The following CPNE1 variants were observed in gnomAD, a reference collection of about 807,000 sequenced individuals.
CPNE1 encodes the protein copine-1.
CPNE1 carries 58 observed loss-of-function variants against 63.2 expected under a neutral mutation model. The observed-to-expected ratio is 0.92, with a 90% CI of 0.74 to 1.14. CPNE1 has a LOEUF of 1.14. CPNE1 is among the 50% of genes most tolerant of loss of function. The pLI is 0.00. For synonymous variants in CPNE1, 237 were observed against 249.0 expected, an observed-to-expected ratio of 0.95 and a Z score of 0.45; for missense variants, 672 against 661.7, an observed-to-expected ratio of 1.02 and a Z score of -0.17.
chr20:35,655,355 GA>G, intron 1 of CPNE1: 1 of 1,576,990 alleles, frequency 6.3e-7, no homozygotes, highest in Non-Finnish European at 8.6e-7. Context: ...CTGCAGATGA[GA>G]AAAGGCAACG....
At position 35,632,035 on chromosome 20, in the gene CPNE1, C is replaced by G. The variant is rs767857434; in HGVS notation, c.457-10G>C. The G allele has an allele frequency of 8.1e-6, 13 of 1,613,726 alleles. No homozygotes were observed. Among genetic ancestry groups the G allele is most frequent in the Admixed American group, 3.3e-5 (2 of 60,004 alleles). On this transcript the variant is annotated splice_polypyrimidine_tract_variant and intron_variant, in intron 5 of 15. Coordinates refer to ENST00000397443, the MANE Select transcript of CPNE1 (RefSeq NM_152925.3). ...ATTTTCCCAGGAAGTCCTGCCAATG[C>G]GAGACCCCAGTTACAAGACTCAGGA...
intron 13 of CPNE1, among the ~76,000 whole-genome samples, chr20:35,627,972 C>A (rs894776285): frequency 6.8e-6 from 1 of 146,222 alleles, no homozygotes; most frequent in Non-Finnish European, 1.5e-5. Context: ...TAGTGAGACC[C>A]CCGTCACTTA....
At chr20:35,647,637 C>T (rs1334856630) in intron 1 of CPNE1, among the ~76,000 whole-genome samples, 2 of 151,924 alleles carry the variant, frequency 1.3e-5, no homozygotes, top group African/African-American at 4.8e-5. Flanking sequence ...AGCAAGCCAC[C>T]GTGGCTACTC....
rs566897153 is a variant in CPNE1 at position 35,641,092 on chromosome 20, T to G, written c.1-8169A>C. Among the ~76,000 whole-genome samples, 5 of 152,362 alleles carry G rather than the reference T, an allele frequency of 3.3e-5. No individual in the cohort carries two copies. The South Asian group carries it at 8.3e-4, about 25-fold the overall frequency. ...CCTCAATGTGCCCTAGCAGGGCACA[T>G]TCTCTCAGTGTCCCTTAAGAAAGGC... is the stretch of plus-strand genomic sequence containing the variant. On this transcript the variant is annotated intron_variant, in intron 1 of 15. Transcript: ENST00000397443.
At chr20:35,642,882 T>C (rs887111708) in intron 1 of CPNE1, among the ~76,000 whole-genome samples, 4 of 152,110 alleles carry the variant, frequency 2.6e-5, no homozygotes, top group Non-Finnish European at 5.9e-5. Flanking sequence ...GCTTAACATG[T>C]GCACACAAAA....
Position 35,632,320 on chromosome 20 carries a change from C to A in CPNE1, c.375G>T (p.Gly125=), listed in dbSNP as rs2032206961. The A allele has an allele frequency of 6.2e-7, 1 of 1,613,882 alleles. No homozygotes were observed. ...MLKPGKPAGR[G]TITVSAQELK... ...TTGCTGGGTTCCTTACCGTGATGGT[C>A]CCCCGCCCAGCAGGTTTTCCAGGCT... Residue 125 remains glycine, a synonymous_variant, in exon 4 of 16, where the codon GGG becomes GGT. Transcript: ENST00000397443.
At chr20:35,641,086 G>C (rs753121351) in intron 1 of CPNE1, among the ~76,000 whole-genome samples, 14 of 152,122 alleles carry the variant, frequency 9.2e-5, no homozygotes, top group African/African-American at 1.2e-4. Flanking sequence ...GCCCTAGCAG[G>C]GCACATTCTC....
chr20:35,654,403 C>A (rs565214968), intron 1 of CPNE1: 4 of 1,614,216 alleles, frequency 2.5e-6, no homozygotes, highest in Non-Finnish European at 3.4e-6. Flanking sequence ...TCCATGCACA[C>A]TGACATACAG....
Position 35,626,328 on chromosome 20 carries a change from C to A in CPNE1, c.1527G>T (p.Leu509=), listed in dbSNP as rs140090014. 3.7e-4 allele frequency: 593 copies of A among 1,614,072 alleles called. 4 individuals are homozygous for A. In the South Asian group the frequency reaches 5.1e-3, roughly 14 times the overall value. ...QTVLAEVPTQ[L]VSYFRAQGWA... ...AACCCTGGGCCCTGAAGTATGAGAC[C>A]AGTTGTGTGGGCACTTCTGCGAGCA... is the stretch of plus-strand genomic sequence containing the variant. The change falls in exon 16 of 16, where the codon CTG becomes CTT. Residue 509 remains leucine, a synonymous_variant. Coordinates refer to ENST00000397443, the MANE Select transcript of CPNE1 (RefSeq NM_152925.3).
At chr20:35,658,971 G>A in intron 1 of CPNE1, 2 of 717,004 alleles carry the variant, frequency 2.8e-6, no homozygotes, top group South Asian at 3.0e-5. Flanking sequence ...AGAAGTAGAG[G>A]CCAAGTCAAT....
At chr20:35,655,293 G>A in intron 1 of CPNE1, 2 of 1,611,458 alleles carry the variant, frequency 1.2e-6, no homozygotes, top group Non-Finnish European at 1.7e-6. Context: ...CCACAATTGG[G>A]AGACCTTGCA....
In CPNE1 at chr20:35,631,669, T is replaced by C. The variant is rs201329365; in HGVS notation, c.627+19A>G. 413 of 1,613,394 alleles carry C rather than the reference T, an allele frequency of 2.6e-4. 3 individuals are homozygous for C. The Middle Eastern group carries it at 2.6e-3, about 10-fold the overall frequency. ...GTTCTCTTCTCCAGCGCAGTCCACT[T>C]AGGGGGCAAGCTCCTCACCTGGATG... is the stretch of plus-strand genomic sequence containing the variant. On this transcript the variant is annotated intron_variant, in intron 7 of 15. Coordinates refer to ENST00000397443, the MANE Select transcript of CPNE1 (RefSeq NM_152925.3).
intron 1 of CPNE1, among the ~76,000 whole-genome samples, chr20:35,657,262 C>T (rs985680313): frequency 1.3e-5 from 2 of 152,224 alleles, no homozygotes; most frequent in Non-Finnish European, 2.9e-5. Context: ...CCAACAGTCT[C>T]TTTTCTCATT....
intron 14 of CPNE1, among the ~76,000 whole-genome samples, chr20:35,627,039 T>G (rs924585068): frequency 1.3e-5 from 2 of 151,520 alleles, no homozygotes; most frequent in African/African-American, 4.9e-5. Context: ...AATATAAAAA[T>G]TAGCTGGGCA....
rs140906321 is a variant in CPNE1 at position 35,641,901 on chromosome 20, C to T, written c.1-8978G>A. Among the ~76,000 whole-genome samples, 30 of 152,314 alleles carry T rather than the reference C, an allele frequency of 2.0e-4. No individual in the cohort carries two copies. In the East Asian group the frequency reaches 5.4e-3, roughly 27 times the overall value. ...AGGCAAGTCTGCAGCAGTGTGCTGG[C>T]GCAAGCTTGTATGGCTTGCAAGAGC... On this transcript the variant is annotated intron_variant, in intron 1 of 15. Transcript: ENST00000397443.
chr20:35,664,885 C>T lies in CPNE1; in HGVS notation c.-126G>A, dbSNP rs959281243. 2 of 152,354 alleles carry T rather than the reference C, an allele frequency of 1.3e-5. No individual in the cohort carries two copies. Among genetic ancestry groups the T allele is most frequent in the Admixed American group, 1.3e-4 (2 of 15,290 alleles). The allele number at this position is 152,354 out of a possible 1,614,324, so 9.4% of individuals were successfully genotyped here. A position where few individuals can be genotyped will look rare whatever the true frequency, so the allele number is the denominator to read the frequency against. ...AGCCCAACGCAGCCACCACCTCCTTCGCCGCTTCACAAAATGGCCGTCGGC... is the reference window on the plus strand; with the variant it reads ...AGCCCAACGCAGCCACCACCTCCTTTGCCGCTTCACAAAATGGCCGTCGGC... On this transcript the variant is annotated 5_prime_UTR_variant, in exon 1 of 16. Coordinates refer to ENST00000397443, the MANE Select transcript of CPNE1 (RefSeq NM_152925.3).
At chr20:35,639,342 A>G (rs2032670952) in intron 1 of CPNE1, among the ~76,000 whole-genome samples, 1 of 151,876 alleles carries the variant, frequency 6.6e-6, no homozygotes, top group Non-Finnish European at 1.5e-5. Context: ...TGGGGAAACT[A>G]TTATTTTTTT....
At chr20:35,655,503 C>T (rs371711540) in intron 1 of CPNE1, among the ~76,000 whole-genome samples, 6 of 152,176 alleles carry the variant, frequency 3.9e-5, no homozygotes, top group African/African-American at 1.2e-4. Context: ...CTGAACATTA[C>T]GTGCCATTTA....
chr20:35,652,121 T>C (rs2033563737), intron 1 of CPNE1: 1 of 160,578 alleles, frequency 6.2e-6, no homozygotes, highest in Non-Finnish European at 1.4e-5. Context: ...TTAAACCAAA[T>C]TCTGAGAGTA....
Sources: allele counts gnomAD v4.1 joint callset (sites outside exome capture counted in the v4.1 genomes callset), GRCh38; gene constraint gnomAD v4.1.1; transcripts MANE v1.5; gene names NCBI Gene and HGNC (gene_info 2026-07-23, HGNC 2026-07-21).